ZDHHC2: variants seen among roughly 807,000 people sequenced by gnomAD.
ZDHHC2 encodes zDHHC palmitoyltransferase 2.
A neutral mutation model predicts 55.6 loss-of-function variants in ZDHHC2; 51 were observed. That is an observed-to-expected ratio of 0.92 (90% CI 0.73 to 1.16). The LOEUF (loss-of-function observed/expected upper bound fraction) is 1.16. Among genes scored for constraint, ZDHHC2 ranks in the 50% most tolerant of loss-of-function variants. The pLI, the probability that ZDHHC2 is intolerant of heterozygous loss-of-function variation, is 0.00. For synonymous variants in ZDHHC2, 199 were observed against 152.9 expected, an observed-to-expected ratio of 1.30 and a Z score of -2.22; for missense variants, 491 against 442.4, an observed-to-expected ratio of 1.11 and a Z score of -0.99.
chr8:17,216,185 G>T lies in ZDHHC2; in HGVS notation c.1063+836G>T, dbSNP rs898652017. 3.9e-5 allele frequency among the ~76,000 whole-genome samples: 6 copies of T among 152,124 alleles called. 1 individual carries two copies. The highest frequency in any genetic ancestry group is 1.4e-4 in the African/African-American group (6 of 41,426). The stretch of plus-strand genomic sequence containing the variant: ...ACTAACCTTTTCTCCTTCGTTTCTA[G>T]TCTTTTCAAATAAACCAGTCAACGT... On this transcript the variant is annotated intron_variant, in intron 11 of 12. Transcript: ENST00000262096.
At chr8:17,208,468 A>T (rs971597347) in intron 8 of ZDHHC2, among the ~76,000 whole-genome samples, 4 of 152,060 alleles carry the variant, frequency 2.6e-5, no homozygotes, top group Admixed American at 1.3e-4. Context: ...TGAGAAATAC[A>T]TTAATGAGGT....
intron 1 of ZDHHC2, among the ~76,000 whole-genome samples, chr8:17,170,531 G>A (rs183286310): frequency 3.2e-4 from 48 of 152,220 alleles, no homozygotes; most frequent in African/African-American, 9.6e-4. Flanking sequence ...AATGTGTTAC[G>A]TGTGCCTGTA....
chr8:17,210,105 A>C, intron 9 of ZDHHC2, 47 bp downstream of exon 9: 1 of 1,547,352 alleles, frequency 6.5e-7, no homozygotes, highest in Non-Finnish European at 8.7e-7. Flanking sequence ...TGAAAATAAT[A>C]CAGCAAAAGA....
chr8:17,180,440 C>G (rs1048920279), intron 1 of ZDHHC2, among the ~76,000 whole-genome samples: 2 of 152,044 alleles, frequency 1.3e-5, no homozygotes, highest in African/African-American at 4.8e-5. Context: ...TATTTTTGTT[C>G]AACATTTTGC....
intron 6 of ZDHHC2, among the ~76,000 whole-genome samples, chr8:17,199,497 T>TACTTCTTCG (rs1554465961): frequency 1.9e-5 from 1 of 52,630 alleles, no homozygotes; most frequent in African/African-American, 6.6e-5. Context: ...CTTCTTCTTC[T>TACTTCTTCG]TCTTCTTCTT....
At chr8:17,169,526 G>A (rs950159029) in intron 1 of ZDHHC2, among the ~76,000 whole-genome samples, 1 of 152,118 alleles carries the variant, frequency 6.6e-6, no homozygotes, top group African/African-American at 2.4e-5. Context: ...AGATGGAAAT[G>A]GTACGCAAAC....
Position 17,212,188 on chromosome 8 carries a change from A to G in ZDHHC2, c.950+1708A>G, listed in dbSNP as rs1449722888. On this transcript the variant is annotated intron_variant, in intron 10 of 12. Transcript: ENST00000262096. ...TCTCTTTCTTCTGCGGAATTCTACTATCTCCCATGTTGAGCCCAGATAAAA... is the reference window on the plus strand; with the variant it reads ...TCTCTTTCTTCTGCGGAATTCTACTGTCTCCCATGTTGAGCCCAGATAAAA... Among the ~76,000 whole-genome samples the G allele has an allele frequency of 3.3e-5, 5 of 152,010 alleles. No homozygotes were observed. The East Asian group carries it at 7.7e-4, about 24-fold the overall frequency.
At chr8:17,187,828 G>A (rs1446259479) in intron 3 of ZDHHC2, among the ~76,000 whole-genome samples, 1 of 152,096 alleles carries the variant, frequency 6.6e-6, no homozygotes, top group Admixed American at 6.6e-5. Context: ...TCAAACTTAT[G>A]TATCCCCCTG....
At chr8:17,209,588 G>C (rs547771813) in intron 8 of ZDHHC2, among the ~76,000 whole-genome samples, 1 of 152,170 alleles carries the variant, frequency 6.6e-6, no homozygotes, top group South Asian at 2.1e-4. Context: ...TAGATTTGTA[G>C]ATCTATGTTT....
intron 1 of ZDHHC2, among the ~76,000 whole-genome samples, chr8:17,183,342 C>A (rs7820189): frequency 0.066 from 10,057 of 152,144 alleles, 1,130 homozygotes; most frequent in African/African-American, 0.23. Flanking sequence ...AAATGCATAC[C>A]TGTGGCGGTA....
Position 17,208,101 on chromosome 8 carries a change from C to A in ZDHHC2, c.730+9C>A. 4 of 1,552,272 alleles carry A rather than the reference C, an allele frequency of 2.6e-6. No individual in the cohort carries two copies. Among genetic ancestry groups the A allele is most frequent in the Non-Finnish European group, 1.7e-6 (2 of 1,146,462 alleles). Reference sequence around the variant, plus strand: ...AAATAAATCTACATTAGGTGAGTATCCAATTATTGTAGTTGACAGAACTTT... The same window carrying A: ...AAATAAATCTACATTAGGTGAGTATACAATTATTGTAGTTGACAGAACTTT... On this transcript the variant is annotated intron_variant, in intron 8 of 12. Transcript: ENST00000262096.
At chr8:17,161,548 C>G (rs975301220) in intron 1 of ZDHHC2, among the ~76,000 whole-genome samples, 2 of 152,192 alleles carry the variant, frequency 1.3e-5, no homozygotes, top group Non-Finnish European at 1.5e-5. Flanking sequence ...CATTTAACGC[C>G]TACGTCACCT....
intron 6 of ZDHHC2, among the ~76,000 whole-genome samples, chr8:17,202,732 T>C (rs1585720957): frequency 7.5e-6 from 1 of 132,828 alleles, no homozygotes; most frequent in African/African-American, 3.5e-5. Context: ...TATATATATA[T>C]ATACACACAC....
intron 1 of ZDHHC2, among the ~76,000 whole-genome samples, chr8:17,163,745 T>G (rs1273791622): frequency 6.6e-6 from 1 of 152,230 alleles, no homozygotes; most frequent in African/African-American, 2.4e-5. Context: ...AATGACAGAT[T>G]AGAATATGGC....
intron 6 of ZDHHC2, among the ~76,000 whole-genome samples, chr8:17,202,919 C>G (rs1005448670): frequency 6.6e-6 from 1 of 152,070 alleles, no homozygotes; most frequent in Non-Finnish European, 1.5e-5. Flanking sequence ...AATCTGTGAT[C>G]AAAATCATTT....
chr8:17,203,481 G>T (rs1806917860), intron 6 of ZDHHC2, among the ~76,000 whole-genome samples: 1 of 152,044 alleles, frequency 6.6e-6, no homozygotes, highest in Non-Finnish European at 1.5e-5. Context: ...CGATCTGCCT[G>T]CCTCGGCCCC....
chr8:17,199,351 G>GC (rs887188715), intron 6 of ZDHHC2, among the ~76,000 whole-genome samples: 4 of 150,994 alleles, frequency 2.6e-5, no homozygotes, highest in Non-Finnish European at 4.4e-5. Flanking sequence ...AATAAATAAC[G>GC]CCCCCTTCGT....
intron 3 of ZDHHC2, among the ~76,000 whole-genome samples, chr8:17,187,539 G>T (rs1003495263): frequency 1.3e-5 from 2 of 152,100 alleles, no homozygotes; most frequent in African/African-American, 4.8e-5. Context: ...AGATGTTTGC[G>T]CAGAATTAAT....
At chr8:17,193,235 C>T (rs992700183) in intron 3 of ZDHHC2, among the ~76,000 whole-genome samples, 3 of 152,156 alleles carry the variant, frequency 2.0e-5, no homozygotes, top group Non-Finnish European at 4.4e-5. Context: ...GCTGCATCTG[C>T]ATTAGGAGAT....
Sources: allele counts gnomAD v4.1 joint callset (sites outside exome capture counted in the v4.1 genomes callset), GRCh38; gene constraint gnomAD v4.1.1; transcripts MANE v1.5; gene names NCBI Gene and HGNC (gene_info 2026-07-23, HGNC 2026-07-21).